Variants in NEBL observed in about 807,000 individuals in gnomAD.
The protein encoded by NEBL is nebulette.
NEBL carries 122 observed loss-of-function variants against 140.2 expected under a neutral mutation model. That is an observed-to-expected ratio of 0.87 (90% confidence interval 0.75 to 1.01). The LOEUF is 1.01. Among genes scored for constraint, NEBL ranks in the 50% least tolerant of loss-of-function variants. The pLI is 0.00. For missense variants in NEBL, 1,365 were observed against 1,231.3 expected (o/e 1.11, Z -1.62); for synonymous variants, 436 against 398.9 (o/e 1.09, Z -1.11).
intron 3 of NEBL, among the ~76,000 whole-genome samples, chr10:21,233,947 G>T (rs1362889274): frequency 7.4e-6 from 1 of 134,672 alleles, no homozygotes; most frequent in Non-Finnish European, 1.6e-5. Context: ...ATATATGCTG[G>T]ATGTGCGTTA....
chr10:20,872,611 C>A (rs1197435638), intron 5 of NEBL, among the ~76,000 whole-genome samples: 2 of 152,138 alleles, frequency 1.3e-5, no homozygotes, highest in Non-Finnish European at 2.9e-5. Flanking sequence ...GGGCTGCATT[C>A]CCAGATGGTT....
intron 5 of NEBL, among the ~76,000 whole-genome samples, chr10:20,878,354 T>A (rs1845701578): frequency 6.6e-6 from 1 of 152,238 alleles, no homozygotes; most frequent in Non-Finnish European, 1.5e-5. Context: ...ACACATATAA[T>A]GACACACTTT....
rs148800166 is a variant in NEBL, at chr10:21,082,734, A to G, written c.165-62533T>C. Among the ~76,000 whole-genome samples, 296 of 150,400 alleles carry G rather than the reference A, an allele frequency of 2.0e-3. 1 individual carries two copies. The highest frequency in any genetic ancestry group is 3.4e-3 in the Non-Finnish European group (232 of 67,674). ...GAAAATACATTTATTTAAGAAGGGA[A>G]AATTATGGGATATGCAGGAGGGATG... On this transcript the variant is annotated intron_variant, in intron 2 of 6. Coordinates refer to the NEBL transcript ENST00000417816.
intron 5 of NEBL, among the ~76,000 whole-genome samples, chr10:20,877,850 G>A (rs543050358): frequency 2.0e-5 from 3 of 152,238 alleles, no homozygotes; most frequent in Non-Finnish European, 2.9e-5. Context: ...ACTCTGCCAC[G>A]AGGCACAAGT....
chr10:20,931,516 G>A (rs936361483), intron 4 of NEBL, among the ~76,000 whole-genome samples: 3 of 152,336 alleles, frequency 2.0e-5, no homozygotes, highest in Admixed American at 2.0e-4. Flanking sequence ...ATGAGAGTCA[G>A]TAGATCATCA....
At chr10:21,251,940 T>C (rs1187224460) in intron 1 of NEBL, among the ~76,000 whole-genome samples, 1 of 152,138 alleles carries the variant, frequency 6.6e-6, no homozygotes, top group African/African-American at 2.4e-5. Context: ...TAAAGCCTTC[T>C]CAGCTCTCCA....
intron 2 of NEBL, among the ~76,000 whole-genome samples, chr10:21,085,732 G>A (rs1311618682): frequency 6.6e-6 from 1 of 151,928 alleles, no homozygotes; most frequent in Non-Finnish European, 1.5e-5. Flanking sequence ...ATTAAGAAGT[G>A]TATATGTGTT....
chr10:20,821,725 G>A (rs1011071678), intron 19 of NEBL, among the ~76,000 whole-genome samples: 1 of 152,034 alleles, frequency 6.6e-6, no homozygotes, highest in African/African-American at 2.4e-5. Flanking sequence ...ATGCCATAAT[G>A]GTATATGAAC....
At chr10:20,867,978 T>C (rs754621121) in intron 7 of NEBL, 5 of 151,762 alleles carry the variant, frequency 3.3e-5, no homozygotes, top group Non-Finnish European at 7.4e-5. Context: ...TCACTGGTCT[T>C]CATTTTCATA....
chr10:20,861,923 C>T (rs1463362670), intron 7 of NEBL, among the ~76,000 whole-genome samples: 1 of 152,192 alleles, frequency 6.6e-6, no homozygotes. Context: ...CCCTAACCTA[C>T]CAAACATCAC....
chr10:20,799,542 A>AT (rs1479537416), intron 26 of NEBL, among the ~76,000 whole-genome samples: 1 of 152,230 alleles, frequency 6.6e-6, no homozygotes, highest in Non-Finnish European at 1.5e-5. Flanking sequence ...ACACAACAGC[A>AT]TTTTTGGGAC....
rs56352671 is a variant in NEBL at position 21,066,971 on chromosome 10, CT to C, written c.165-46771del. Among the ~76,000 whole-genome samples the C allele has an allele frequency of 7.4e-4, 84 of 112,808 alleles. No individual in the cohort carries two copies. The East Asian group carries it at 7.7e-3, about 10-fold the overall frequency. 74.0% of individuals were successfully genotyped at this position (112,808 alleles called of 152,430 possible). A position where few individuals can be genotyped will look rare whatever the true frequency, so the allele number is the denominator to read the frequency against. ...ACCTTTGTTTCCTGAAATAATTTAA[CT>C]TTTTTTTTTTTTTTTTTTGAGACAG... On this transcript the variant is annotated intron_variant, in intron 2 of 6. Coordinates refer to the NEBL transcript ENST00000417816.
intron 2 of NEBL, among the ~76,000 whole-genome samples, chr10:21,035,811 A>G (rs1423443798): frequency 6.6e-6 from 1 of 152,200 alleles, no homozygotes; most frequent in Non-Finnish European, 1.5e-5. Context: ...TTAAATGTAC[A>G]TATATACATA....
At position 21,278,082 on chromosome 10, in the gene NEBL, C is replaced by T. The variant is rs111784932; in HGVS notation, n.182+14748G>A. Among the ~76,000 whole-genome samples the T allele has an allele frequency of 2.6e-4, 40 of 152,316 alleles. 1 individual carries two copies. The highest frequency in any genetic ancestry group is 8.4e-4 in the African/African-American group (35 of 41,574). ...CAACATGTGAGGGATGATTGGGAAA[C>T]GCCAGCACCACAGAACATTCTGGTT... is the stretch of plus-strand genomic sequence containing the variant. On this transcript the variant is annotated intron_variant and non_coding_transcript_variant, in intron 1 of 8. Coordinates refer to the NEBL transcript ENST00000675702.
At chr10:21,004,644 C>T (rs1085868) in intron 3 of NEBL, among the ~76,000 whole-genome samples, 7 of 151,918 alleles carry the variant, frequency 4.6e-5, no homozygotes, top group African/African-American at 7.2e-5. Context: ...GGTGTGAACC[C>T]GGGAGGTGGA....
chr10:21,021,339 C>T (rs538924011), intron 2 of NEBL, among the ~76,000 whole-genome samples: 32 of 152,294 alleles, frequency 2.1e-4, no homozygotes, highest in African/African-American at 7.0e-4. Flanking sequence ...AATCTGATCA[C>T]GTCACTCCCC....
chr10:20,812,119 G>GC (rs1838207745), intron 24 of NEBL, among the ~76,000 whole-genome samples: 1 of 152,128 alleles, frequency 6.6e-6, no homozygotes, highest in African/African-American at 2.4e-5. Context: ...AACGCCCATG[G>GC]CGTGTCTGTT....
intron 3 of NEBL, among the ~76,000 whole-genome samples, chr10:21,186,984 CTGTA>C (rs1380096723): frequency 7.4e-6 from 1 of 135,248 alleles, no homozygotes; most frequent in African/African-American, 3.0e-5. Flanking sequence ...AGGGCCAACT[CTGTA>C]TGTGTGTGTG....
intron 2 of NEBL, among the ~76,000 whole-genome samples, chr10:21,046,471 C>T (rs1834518574): frequency 6.6e-6 from 1 of 152,204 alleles, no homozygotes; most frequent in Admixed American, 6.5e-5. Context: ...CATAAACATA[C>T]ATAACTTTTG....
Sources: allele counts gnomAD v4.1 joint callset (sites outside exome capture counted in the v4.1 genomes callset), GRCh38; gene constraint gnomAD v4.1.1; transcripts MANE v1.5; gene names NCBI Gene and HGNC (gene_info 2026-07-23, HGNC 2026-07-21).